The following DNAJC3 variants were observed in gnomAD, a reference collection of about 807,000 sequenced individuals.
DNAJC3 encodes the protein dnaJ homolog subfamily C member 3.
DNAJC3 carries 38 observed loss-of-function variants against 68.6 expected under a neutral mutation model. That is an observed-to-expected ratio of 0.55 (90% CI 0.43 to 0.73). DNAJC3 has a LOEUF of 0.73. Ranked by LOEUF, DNAJC3 falls within the 30% of genes least tolerant of loss-of-function variation. The probability of loss-of-function intolerance (pLI) is 0.00; values close to 1 mark genes in which losing one functional copy is unlikely to be tolerated. For missense variants in DNAJC3, 526 were observed against 591.9 expected (o/e 0.89, Z 1.16); for synonymous variants, 203 against 204.0 (o/e 1.00, Z 0.04).
intron 1 of DNAJC3, among the ~76,000 whole-genome samples, chr13:95,701,848 T>A (rs1416306861): frequency 6.6e-6 from 1 of 152,240 alleles, no homozygotes; most frequent in Non-Finnish European, 1.5e-5. Flanking sequence ...CCTGTGTACA[T>A]TCCCCCATTA....
chr13:95,723,399 C>A (rs745828478), intron 3 of DNAJC3, 33 bp downstream of exon 3: 2 of 1,593,942 alleles, frequency 1.3e-6, no homozygotes, highest in East Asian at 2.2e-5. Flanking sequence ...TAAAGGGGAA[C>A]TTAACAGAAC....
chr13:95,764,799 CTA>C (rs1454899062), intron 9 of DNAJC3, among the ~76,000 whole-genome samples: 1 of 146,236 alleles, frequency 6.8e-6, no homozygotes, highest in Non-Finnish European at 1.5e-5. Flanking sequence ...TCATGTGACA[CTA>C]TGTTATGAAC....
At chr13:95,747,986 C>T (rs1180294296) in intron 4 of DNAJC3, among the ~76,000 whole-genome samples, 1 of 152,188 alleles carries the variant, frequency 6.6e-6, no homozygotes, top group Non-Finnish European at 1.5e-5. Context: ...CTGGTTCTCA[C>T]TAACTTGTTT....
chr13:95,706,161 C>A (rs181243006), intron 1 of DNAJC3, among the ~76,000 whole-genome samples: 3 of 152,224 alleles, frequency 2.0e-5, no homozygotes, highest in East Asian at 3.9e-4. Flanking sequence ...GTAGTCAAAC[C>A]TTTTCTGTAA....
intron 9 of DNAJC3, among the ~76,000 whole-genome samples, chr13:95,778,388 G>A (rs957918170): frequency 6.6e-5 from 10 of 152,120 alleles, no homozygotes; most frequent in Non-Finnish European, 8.8e-5. Context: ...TTATTTGCAC[G>A]CCATTTATTG....
chr13:95,750,176 G>A (rs986560979), intron 4 of DNAJC3, among the ~76,000 whole-genome samples: 9 of 147,936 alleles, frequency 6.1e-5, no homozygotes, highest in Admixed American at 2.1e-4. Flanking sequence ...TCCGTTTCCC[G>A]TCTTCGACCC....
intron 5 of DNAJC3, among the ~76,000 whole-genome samples, chr13:95,758,175 C>T (rs1882721646): frequency 1.3e-5 from 2 of 152,000 alleles, no homozygotes; most frequent in Non-Finnish European, 2.9e-5. Context: ...AGAAAAATTT[C>T]TAGAGAATAA....
At chr13:95,760,869 G>A in intron 7 of DNAJC3, 71 bp downstream of exon 7, 1 of 1,547,890 alleles carries the variant, frequency 6.5e-7, no homozygotes, top group Non-Finnish European at 8.7e-7. Flanking sequence ...GTGAACTACA[G>A]AACTGCTCTT....
At chr13:95,747,050 G>GGC (rs1290953276) in intron 4 of DNAJC3, among the ~76,000 whole-genome samples, 6 of 152,146 alleles carry the variant, frequency 3.9e-5, no homozygotes, top group African/African-American at 9.7e-5. Context: ...AGTTTTCCAT[G>GGC]AGATCCAAAT....
chr13:95,709,856 G>T (rs1161452075), intron 2 of DNAJC3, among the ~76,000 whole-genome samples: 1 of 152,160 alleles, frequency 6.6e-6, no homozygotes, highest in Middle Eastern at 3.4e-3. Context: ...AGCCAGGATG[G>T]TCTCCATCTC....
intron 4 of DNAJC3, among the ~76,000 whole-genome samples, chr13:95,746,417 G>A (rs1882309699): frequency 6.6e-6 from 1 of 152,068 alleles, no homozygotes; most frequent in African/African-American, 2.4e-5. Context: ...TTGTGTAAGT[G>A]GCCTTGAAAG....
At position 95,757,644 on chromosome 13, in the gene DNAJC3, C is replaced by A. The variant is rs755533542; in HGVS notation, c.394C>A (p.Leu132Ile). 6.4e-7 allele frequency: 1 copy of A among 1,552,164 alleles called. No individual in the cohort carries two copies. The highest frequency in any genetic ancestry group is 1.2e-5 in the South Asian group (1 of 84,774). Reference protein sequence around the residue: ...DEAEDDFKKVLKSNPSENEEK... With the variant: ...DEAEDDFKKVIKSNPSENEEK... The stretch of plus-strand genomic sequence containing the variant: ...GCTTAGTTTTTTATTTTCCTTATAG[C>A]TCAAATCTAATCCAAGTGAAAATGA... The change falls in exon 5 of 12, where the codon CTC (leucine) becomes ATC (isoleucine). Residue 132 changes from leucine (L) to isoleucine (I), a missense_variant and splice_region_variant. Leu to Ile is a conservative substitution (Grantham distance 5, BLOSUM62 2). Transcript: ENST00000602402.
intron 4 of DNAJC3, among the ~76,000 whole-genome samples, chr13:95,725,800 A>T (rs1881491686): frequency 6.8e-6 from 1 of 146,910 alleles, no homozygotes; most frequent in African/African-American, 2.5e-5. Flanking sequence ...CATTAGGTAT[A>T]TCTCCTAATG....
Position 95,757,761 on chromosome 13 carries a change from A to T in DNAJC3, c.511A>T (p.Thr171Ser). ...ALNAFGSGDY[T>S]AAIAFLDKIL... ...TAACGCTTTTGGAAGTGGAGATTAT[A>T]CTGCTGCTATAGCCTTCCTTGATAA... The change falls in exon 5 of 12, where the codon ACT (threonine) becomes TCT (serine). Residue 171 changes from threonine to serine, a missense_variant. Transcript: ENST00000602402. The T allele has an allele frequency of 6.4e-7, 1 of 1,564,272 alleles. No homozygotes were observed. Among genetic ancestry groups the T allele is most frequent in the Non-Finnish European group, 8.8e-7 (1 of 1,142,186 alleles).
At chr13:95,687,254 C>T (rs978025240) in intron 1 of DNAJC3, among the ~76,000 whole-genome samples, 4 of 152,150 alleles carry the variant, frequency 2.6e-5, no homozygotes, top group South Asian at 4.1e-4. Context: ...AGTTGTTTAT[C>T]GGTCTTGGAG....
At position 95,780,956 on chromosome 13, in the gene DNAJC3, G is replaced by A. The variant is rs561964028; in HGVS notation, c.1076-4983G>A. On this transcript the variant is annotated intron_variant, in intron 9 of 11. Transcript: ENST00000602402. ...AATTGGTAGGGTGAGAGAGGGAGTCGCTTGTAGCTGTGTGCACCTGTCTTT... is the reference window on the plus strand; with the variant it reads ...AATTGGTAGGGTGAGAGAGGGAGTCACTTGTAGCTGTGTGCACCTGTCTTT... 5.3e-5 allele frequency among the ~76,000 whole-genome samples: 8 copies of A among 152,236 alleles called. 1 individual carries two copies. The South Asian group carries it at 1.2e-3, about 24-fold the overall frequency.
At chr13:95,744,990 C>CG (rs1190806734) in intron 4 of DNAJC3, 2 of 152,130 alleles carry the variant, frequency 1.3e-5, no homozygotes, top group Non-Finnish European at 2.9e-5. Flanking sequence ...AGAGCTTTTG[C>CG]GGTACAGTCT....
chr13:95,725,654 ATTCT>A (rs1327344840), intron 4 of DNAJC3, among the ~76,000 whole-genome samples: 1 of 149,272 alleles, frequency 6.7e-6, no homozygotes, highest in Non-Finnish European at 1.5e-5. Flanking sequence ...AATGAAACAG[ATTCT>A]TTTTTTTTTT....
intron 4 of DNAJC3, among the ~76,000 whole-genome samples, chr13:95,749,520 A>G (rs1160128622): frequency 6.6e-6 from 1 of 152,210 alleles, no homozygotes; most frequent in Non-Finnish European, 1.5e-5. Flanking sequence ...TTTAGGATTC[A>G]TGGCTTAAAT....
Sources: gnomAD v4.1 joint callset for allele counts (sites outside exome capture counted in the v4.1 genomes callset) on GRCh38, gnomAD v4.1.1 for gene constraint, MANE v1.5 for transcripts, NCBI Gene and HGNC (gene_info 2026-07-23, HGNC 2026-07-21) for gene names.